The following SGF29 variants were observed in gnomAD, a reference collection of about 807,000 sequenced individuals.
SGF29 encodes SAGA-associated factor 29.
A neutral mutation model predicts 38.1 loss-of-function variants in SGF29; 15 were observed. The observed-to-expected ratio is 0.39, with a 90% CI of 0.26 to 0.61. The LOEUF (loss-of-function observed/expected upper bound fraction) is 0.61, where lower values mean the gene tolerates loss of function less well. Among genes scored for constraint, SGF29 ranks in the 20% least tolerant of loss-of-function variants. The pLI, the probability that SGF29 is intolerant of heterozygous loss-of-function variation, is 0.49. For missense variants in SGF29, 184 were observed against 394.6 expected (o/e 0.47, Z 4.52); for synonymous variants, 151 against 160.8 (o/e 0.94, Z 0.46).
At chr16:28,578,815 G>A (rs1283701741) in intron 1 of SGF29, among the ~76,000 whole-genome samples, 1 of 152,138 alleles carries the variant, frequency 6.6e-6, no homozygotes, top group Admixed American at 6.6e-5. Context: ...GGTGGCGGGT[G>A]CCTGTAATCC....
chr16:28,581,042 G>T lies in SGF29; in HGVS notation c.-15-13G>T, dbSNP rs754806235. The T allele has an allele frequency of 6.9e-6, 11 of 1,603,922 alleles. No individual in the cohort carries two copies. The East Asian group carries it at 1.1e-4, about 16-fold the overall frequency. ...ACTAACAGAGTTCTCTTCTGTCCTC[G>T]CTCCCCCACCAGGTGCCCCTGTAGA... On this transcript the variant is annotated splice_polypyrimidine_tract_variant and intron_variant, in intron 1 of 9. Coordinates refer to ENST00000317058, the MANE Select transcript of SGF29 (RefSeq NM_138414.3).
chr16:28,577,955 C>T (rs890459372), intron 1 of SGF29, among the ~76,000 whole-genome samples: 1 of 152,010 alleles, frequency 6.6e-6, no homozygotes, highest in Non-Finnish European at 1.5e-5. Flanking sequence ...AGTTCTATTC[C>T]ATTGAACTAG....
intron 1 of SGF29, among the ~76,000 whole-genome samples, chr16:28,574,023 G>A (rs1323829571): frequency 2.0e-5 from 3 of 152,190 alleles, no homozygotes; most frequent in Non-Finnish European, 4.4e-5. Context: ...GTTTTGTTAC[G>A]GGTGGAAGGT....
In SGF29 at chr16:28,584,895, C is replaced by T. The variant is rs775315378; in HGVS notation, c.76-18C>T. ...CACAAAGGGCCACCGTCATGTCCTG[C>T]TGCTCTTTTCCTTACAGGAAGAGCG... On this transcript the variant is annotated intron_variant, in intron 2 of 9. Coordinates refer to ENST00000317058, the MANE Select transcript of SGF29 (RefSeq NM_138414.3). 1 of 1,608,436 alleles carries T rather than the reference C, an allele frequency of 6.2e-7. No homozygotes were observed. Among genetic ancestry groups the T allele is most frequent in the Non-Finnish European group, 8.5e-7 (1 of 1,175,676 alleles).
chr16:28,554,221 G>A (rs2046730348), intron 1 of SGF29, 124 bp downstream of exon 1: 1 of 150,922 alleles, frequency 6.6e-6, no homozygotes, highest in African/African-American at 2.4e-5. Flanking sequence ...GTGCGCACGC[G>A]CTCTGGGCGG....
rs545325954 is a variant in SGF29, at chr16:28,581,728, G to A, written c.75+584G>A. ...TTGTTTTTGTATTTTTAGTAGAGAC[G>A]GGGTTTTGCCATGTTGGCTGTCTCT... On this transcript the variant is annotated intron_variant, in intron 2 of 9. Transcript: ENST00000317058. Among the ~76,000 whole-genome samples, 6 of 152,060 alleles carry A rather than the reference G, an allele frequency of 3.9e-5. No homozygotes were observed. In the South Asian group the frequency reaches 8.3e-4, roughly 21 times the overall value.
chr16:28,584,931 G>C lies in SGF29; in HGVS notation c.94G>C (p.Glu32Gln). 6.2e-7 allele frequency: 1 copy of C among 1,613,542 alleles called. No individual in the cohort carries two copies. The highest frequency in any genetic ancestry group is 8.5e-7 in the Non-Finnish European group (1 of 1,179,864). Reference protein sequence around the residue: ...KQTQEERSRSEHNLVNIQKTH... With the variant: ...KQTQEERSRSQHNLVNIQKTH... ...CTTACAGGAAGAGCGTTCGCGGAGC[G>C]AACACAACTTAGTGAACATCCAGAA... Residue 32 changes from glutamate (E) to glutamine (Q), a missense_variant, in exon 3 of 10, where the codon GAA becomes CAA. This residue lies in a region of SGF29 where 77 missense variants were observed against 117.7 expected (regional missense o/e 0.65). Coordinates refer to ENST00000317058, the MANE Select transcript of SGF29 (RefSeq NM_138414.3).
intron 1 of SGF29, among the ~76,000 whole-genome samples, chr16:28,574,325 G>GGGTA (rs1278675192): frequency 2.0e-5 from 3 of 152,198 alleles, no homozygotes; most frequent in Non-Finnish European, 4.4e-5. Context: ...CGCATGCACA[G>GGGTA]TGTGCTCCTT....
At chr16:28,572,897 G>T (rs1185739416) in intron 1 of SGF29, among the ~76,000 whole-genome samples, 1 of 151,386 alleles carries the variant, frequency 6.6e-6, no homozygotes, top group Admixed American at 6.6e-5. Context: ...CCCCAGCCAC[G>T]TGTTCACATT....
intron 1 of SGF29, among the ~76,000 whole-genome samples, chr16:28,564,605 GTA>G (rs1229937671): frequency 6.5e-5 from 7 of 107,864 alleles, no homozygotes; most frequent in South Asian, 2.5e-4. Context: ...ACATATATGT[GTA>G]TATATATACA....
chr16:28,568,374 A>T (rs2046846132), intron 1 of SGF29, among the ~76,000 whole-genome samples: 1 of 151,946 alleles, frequency 6.6e-6, no homozygotes, highest in South Asian at 2.1e-4. Context: ...TTACAGAGAT[A>T]ACATGAATTA....
chr16:28,590,596 G>T lies in SGF29; in HGVS notation c.567-35G>T. ...ACTCCCCAACAGGTACTGCGCCCCT[G>T]GCTGCATCCAGCCTTTTCCTCCTTT... On this transcript the variant is annotated intron_variant, in intron 7 of 9. Transcript: ENST00000317058. This position sits in a 1 kb window ranked among gnomAD's most constrained non-coding sequence, Gnocchi z 8.2. 6.2e-7 allele frequency: 1 copy of T among 1,613,040 alleles called. No homozygotes were observed. The highest frequency in any genetic ancestry group is 1.9e-4 in the Middle Eastern group (1 of 5,272).
intron 2 of SGF29, among the ~76,000 whole-genome samples, chr16:28,581,740 T>C (rs2046927235): frequency 6.6e-6 from 1 of 152,012 alleles, no homozygotes. Flanking sequence ...GGTTTTGCCA[T>C]GTTGGCTGTC....
chr16:28,591,658 T>C lies in SGF29; in HGVS notation c.834T>C (p.Asn278=), dbSNP rs756673693. 1.2e-5 allele frequency: 20 copies of C among 1,613,930 alleles called. No homozygotes were observed. Among genetic ancestry groups the C allele is most frequent in the East Asian group, 2.2e-5 (1 of 44,880 alleles). ...CAGATGGCTATTCCCCTCCCCTCAA[T>C]GTGGCTCAGAGATACGTGGTGGCTT... ...SYADGYSPPL[N]VAQRYVVACK... The change falls in exon 10 of 10, where the codon AAT becomes AAC. Residue 278 remains asparagine (N), a synonymous_variant. Coordinates refer to ENST00000317058, the MANE Select transcript of SGF29 (RefSeq NM_138414.3).
intron 1 of SGF29, among the ~76,000 whole-genome samples, chr16:28,567,579 G>T (rs558450257): frequency 1.8e-4 from 27 of 152,308 alleles, no homozygotes; most frequent in African/African-American, 6.0e-4. Context: ...GAGTTTTGAC[G>T]TTCATACTAG....
chr16:28,556,197 T>C (rs1461835613), intron 1 of SGF29, among the ~76,000 whole-genome samples: 2 of 152,044 alleles, frequency 1.3e-5, no homozygotes, highest in African/African-American at 4.8e-5. Flanking sequence ...TGAGATGGAG[T>C]CTCGCTCTGT....
intron 1 of SGF29, among the ~76,000 whole-genome samples, chr16:28,559,418 C>G (rs991881602): frequency 2.0e-5 from 3 of 152,152 alleles, no homozygotes; most frequent in African/African-American, 7.2e-5. Flanking sequence ...GAATCTCACT[C>G]TGTCACCCAG....
chr16:28,588,960 C>T (rs560894341), intron 4 of SGF29, 140 bp from the exon 5 acceptor site: 5 of 820,478 alleles, frequency 6.1e-6, no homozygotes, highest in Admixed American at 2.0e-5. Flanking sequence ...ATTCCACCTG[C>T]GCAGGAGGCT....
At chr16:28,589,988 C>T (rs2046978244) in intron 5 of SGF29, 108 bp from the exon 6 acceptor site, 6 of 1,449,754 alleles carry the variant, frequency 4.1e-6, no homozygotes, top group South Asian at 1.4e-5. Context: ...CGGGCTCACT[C>T]GGGAACTGGG....
Sources: gnomAD v4.1 joint callset for allele counts (sites outside exome capture counted in the v4.1 genomes callset) on GRCh38, gnomAD v4.1.1 for gene constraint, gnomAD v4.1.1 regional missense constraint, Gnocchi (gnomAD v3.1) non-coding constraint, MANE v1.5 for transcripts, NCBI Gene and HGNC (gene_info 2026-07-23, HGNC 2026-07-21) for gene names.